Variants in ADCY1 observed in about 807,000 individuals in gnomAD.
ADCY1 encodes the protein adenylate cyclase type 1.
Under a neutral mutation model 105.4 loss-of-function variants are expected in ADCY1, and 28 were observed. That is an observed-to-expected ratio of 0.27 (90% CI 0.20 to 0.36). ADCY1 has a LOEUF of 0.36. Ranked by LOEUF, ADCY1 falls within the 10% of genes least tolerant of loss-of-function variation. The pLI, the probability that ADCY1 is intolerant of heterozygous loss-of-function variation, is 1.00. For synonymous variants in ADCY1, 655 were observed against 623.8 expected (o/e 1.05, Z -0.75); for missense variants, 977 against 1,434.2 (o/e 0.68, Z 5.15).
chr7:45,654,800 G>A (rs1294971961), intron 5 of ADCY1, among the ~76,000 whole-genome samples: 4 of 152,226 alleles, frequency 2.6e-5, no homozygotes, highest in Admixed American at 2.0e-4. Flanking sequence ...AATTTTAGGG[G>A]ACATGGAGCT....
At chr7:45,595,633 G>A (rs1793051811) in intron 2 of ADCY1, among the ~76,000 whole-genome samples, 1 of 152,136 alleles carries the variant, frequency 6.6e-6, no homozygotes, top group Non-Finnish European at 1.5e-5. Flanking sequence ...TCATCCCCAC[G>A]TTTCCCCAGG....
intron 3 of ADCY1, among the ~76,000 whole-genome samples, chr7:45,614,990 AAGC>A (rs1793698921): frequency 6.6e-6 from 1 of 152,234 alleles, no homozygotes; most frequent in African/African-American, 2.4e-5. Flanking sequence ...ATCAAAAAGA[AAGC>A]AGAGGATTTT....
intron 8 of ADCY1, among the ~76,000 whole-genome samples, chr7:45,664,095 T>TG (rs538795438): frequency 2.4e-4 from 37 of 152,138 alleles, no homozygotes; most frequent in African/African-American, 8.4e-4. Context: ...AGGCCTCCCC[T>TG]GGGGGCTGGT....
intron 5 of ADCY1, among the ~76,000 whole-genome samples, chr7:45,654,597 G>A (rs1584306651): frequency 6.6e-6 from 1 of 152,212 alleles, no homozygotes; most frequent in South Asian, 2.1e-4. Context: ...TTTTAACAAG[G>A]GGGCTAGTGT....
intron 1 of ADCY1, among the ~76,000 whole-genome samples, chr7:45,588,595 G>A (rs1287541297): frequency 7.3e-5 from 11 of 151,538 alleles, no homozygotes; most frequent in Admixed American, 7.2e-4. Flanking sequence ...ATAGTGAGGG[G>A]CTGGCCCTGG....
intron 1 of ADCY1, among the ~76,000 whole-genome samples, chr7:45,589,168 C>T (rs1349426345): frequency 2.0e-5 from 3 of 152,150 alleles, no homozygotes; most frequent in Non-Finnish European, 2.9e-5. Flanking sequence ...TGTCCTCGCT[C>T]GCAGCCCAGC....
In ADCY1 at chr7:45,585,763, T is replaced by C. The variant is rs571214735; in HGVS notation, c.640-6996T>C. ...CACCTGGCCCAGGTGGGCACATCTT[T>C]TATGCCAAGCACCTTGGCTTCAGTT... On this transcript the variant is annotated intron_variant, in intron 1 of 19. Coordinates refer to ENST00000297323, the MANE Select transcript of ADCY1 (RefSeq NM_021116.4). Among the ~76,000 whole-genome samples the C allele has an allele frequency of 1.2e-4, 18 of 152,248 alleles. No homozygotes were observed. The South Asian group carries it at 3.7e-3, about 32-fold the overall frequency.
At chr7:45,661,075 C>G (rs918827021) in intron 7 of ADCY1, among the ~76,000 whole-genome samples, 1 of 152,058 alleles carries the variant, frequency 6.6e-6, no homozygotes, top group African/African-American at 2.4e-5. Context: ...AGAGCCATTA[C>G]TGTGTTGGCT....
intron 1 of ADCY1, among the ~76,000 whole-genome samples, chr7:45,592,102 T>A (rs1166920172): frequency 6.6e-6 from 1 of 151,952 alleles, no homozygotes; most frequent in Non-Finnish European, 1.5e-5. Flanking sequence ...CCAGAGGAGT[T>A]TGTGCAGGCT....
intron 19 of ADCY1, among the ~76,000 whole-genome samples, chr7:45,713,117 A>AG (rs1785295239): frequency 6.6e-6 from 1 of 151,994 alleles, no homozygotes; most frequent in African/African-American, 2.4e-5. Flanking sequence ...CTTCCAGCTG[A>AG]GGGGGGTACC....
At chr7:45,599,080 T>C (rs1283592046) in intron 2 of ADCY1, among the ~76,000 whole-genome samples, 1 of 152,150 alleles carries the variant, frequency 6.6e-6, no homozygotes, top group Non-Finnish European at 1.5e-5. Context: ...TCCTGTGTGC[T>C]GTCAGCCCCC....
At position 45,591,667 on chromosome 7, in the gene ADCY1, C is replaced by T. The variant is rs73694817; in HGVS notation, c.640-1092C>T. Among the ~76,000 whole-genome samples the T allele has an allele frequency of 0.016, 2,426 of 152,352 alleles. 71 individuals are homozygous for T. The highest frequency in any genetic ancestry group is 0.055 in the African/African-American group (2,293 of 41,568). On this transcript the variant is annotated intron_variant, in intron 1 of 19. Coordinates refer to ENST00000297323, the MANE Select transcript of ADCY1 (RefSeq NM_021116.4). The surrounding 1 kb of genome is among the most constrained non-coding windows in gnomAD (Gnocchi z 4.1). Reference sequence around the variant, plus strand: ...TGCAGCCCCTCTTCAGGGCCTCTGGCAGGACATGCCATGGCCCTGCATGGC... The same window carrying T: ...TGCAGCCCCTCTTCAGGGCCTCTGGTAGGACATGCCATGGCCCTGCATGGC...
At chr7:45,599,605 G>T (rs1793170522) in intron 2 of ADCY1, among the ~76,000 whole-genome samples, 1 of 150,756 alleles carries the variant, frequency 6.6e-6, no homozygotes, top group African/African-American at 2.5e-5. Context: ...GAGGAGGTTT[G>T]TGGGTACCCA....
At chr7:45,664,858 A>G (rs1795227992) in intron 8 of ADCY1, among the ~76,000 whole-genome samples, 1 of 152,112 alleles carries the variant, frequency 6.6e-6, no homozygotes, top group Non-Finnish European at 1.5e-5. Flanking sequence ...GGTTTGCTGT[A>G]CCCATCAACC....
At chr7:45,643,861 C>T (rs1794588438) in intron 4 of ADCY1, among the ~76,000 whole-genome samples, 1 of 152,068 alleles carries the variant, frequency 6.6e-6, no homozygotes, top group African/African-American at 2.4e-5. Context: ...AGAGTGCTTC[C>T]CAACAGGGCA....
chr7:45,720,034 C>T lies in ADCY1; in HGVS notation c.*6039C>T, dbSNP rs1303540393. On this transcript the variant is annotated 3_prime_UTR_variant, in exon 20 of 20. Transcript: ENST00000297323. ...TGTAGAGAGAGCCTCAGGGCGGTGA[C>T]CGCTGCAGGAATTCGGCCCTCCAGC... 6.6e-6 allele frequency: 1 copy of T among 152,000 alleles called. No homozygotes were observed. The highest frequency in any genetic ancestry group is 1.5e-5 in the Non-Finnish European group (1 of 68,016). 9.4% of individuals were successfully genotyped at this position (152,000 alleles called of 1,614,324 possible). A position where few individuals can be genotyped will look rare whatever the true frequency, so the allele number is the denominator to read the frequency against.
chr7:45,664,821 G>A (rs991329157), intron 8 of ADCY1: 1 of 176,572 alleles, frequency 5.7e-6, no homozygotes, highest in African/African-American at 2.4e-5. Flanking sequence ...GTGCAGGTTT[G>A]TTACATAGGT....
intron 19 of ADCY1, among the ~76,000 whole-genome samples, chr7:45,712,669 C>G (rs776773670): frequency 6.6e-6 from 1 of 152,044 alleles, no homozygotes; most frequent in Non-Finnish European, 1.5e-5. Context: ...TTTTAACAAA[C>G]GATGCCAGGG....
intron 14 of ADCY1, among the ~76,000 whole-genome samples, chr7:45,688,821 G>A (rs189885743): frequency 1.0e-3 from 158 of 151,746 alleles, no homozygotes; most frequent in Non-Finnish European, 1.9e-3. Context: ...GTCCTGTAAC[G>A]ATTACTATAA....
Sources: allele counts gnomAD v4.1 joint callset (sites outside exome capture counted in the v4.1 genomes callset), GRCh38; gene constraint gnomAD v4.1.1; non-coding constraint Gnocchi (gnomAD v3.1); transcripts MANE v1.5; gene names NCBI Gene and HGNC (gene_info 2026-07-23, HGNC 2026-07-21).